The following CGREF1 variants were observed in gnomAD, a reference collection of about 807,000 sequenced individuals.
CGREF1 encodes the protein cell growth regulator with EF hand domain protein 1.
CGREF1 carries 16 observed loss-of-function variants against 17.4 expected under a neutral mutation model. The ratio of observed to expected loss-of-function variants is 0.92; its 90% CI spans 0.62 to 1.40. The LOEUF (loss-of-function observed/expected upper bound fraction) is 1.40. CGREF1 is among the 40% of genes most tolerant of loss of function. The probability of loss-of-function intolerance (pLI) is 0.00; values close to 1 mark genes in which losing one functional copy is unlikely to be tolerated. For missense variants in CGREF1, 296 were observed against 376.4 expected, an observed-to-expected ratio of 0.79 and a Z score of 1.77; for synonymous variants, 142 against 154.6, an observed-to-expected ratio of 0.92 and a Z score of 0.61.
At chr2:27,111,168 T>C (rs1036053101) in intron 1 of CGREF1, among the ~76,000 whole-genome samples, 3 of 152,162 alleles carry the variant, frequency 2.0e-5, no homozygotes, top group African/African-American at 4.8e-5. Context: ...TGCTGATTGG[T>C]CCATTTTACA....
At position 27,101,659 on chromosome 2, in the gene CGREF1, GC is replaced by G; in HGVS notation, c.571del (p.Ala191GlnfsTer5). The G allele has an allele frequency of 6.2e-7, 1 of 1,614,230 alleles. No homozygotes were observed. Among genetic ancestry groups the G allele is most frequent in the Non-Finnish European group, 8.5e-7 (1 of 1,180,042 alleles). On this transcript the variant is annotated frameshift_variant, in exon 6 of 6. Transcript: ENST00000402394. LOFTEE classifies it low-confidence loss of function (END_TRUNC). Reference sequence around the variant, plus strand: ...CCTTCTGGCCTCTACCTGGCCCTTTGCTTCTTCTCTGGGACCAGGGGCTTCC... The same window carrying G: ...CCTTCTGGCCTCTACCTGGCCCTTTGTTCTTCTCTGGGACCAGGGGCTTCC... ...TQEAPGPREE[A>X]KGQVEARRES...
At chr2:27,116,923 C>CTCTCTTTT (rs1259106800) in intron 1 of CGREF1, among the ~76,000 whole-genome samples, 1 of 53,016 alleles carries the variant, frequency 1.9e-5, no homozygotes, top group African/African-American at 9.7e-5. Flanking sequence ...CTCTCTCTCT[C>CTCTCTTTT]TTTTTTTGAG....
chr2:27,106,800 T>A (rs529785320), intron 1 of CGREF1, among the ~76,000 whole-genome samples: 1 of 152,286 alleles, frequency 6.6e-6, no homozygotes, highest in East Asian at 1.9e-4. Context: ...GTATTTTTAC[T>A]AGAGACAGAG....
Position 27,101,011 on chromosome 2 carries a change from G to C in CGREF1, c.*263C>G, listed in dbSNP as rs1215077131. 9 of 1,269,580 alleles carry C rather than the reference G, an allele frequency of 7.1e-6. No individual in the cohort carries two copies. Among genetic ancestry groups the C allele is most frequent in the African/African-American group, 1.5e-5 (1 of 65,418 alleles). 78.6% of individuals were successfully genotyped at this position (1,269,580 alleles called of 1,614,324 possible). On this transcript the variant is annotated 3_prime_UTR_variant, in exon 6 of 6. Transcript: ENST00000402394. ...GGGCAGGCGGCATCCCTGTCCTTTC[G>C]GTCCCCAACCCCGTTCCTCTGAGAG...
At chr2:27,103,183 T>C in intron 2 of CGREF1, 11 of 904,824 alleles carry the variant, frequency 1.2e-5, no homozygotes, top group Non-Finnish European at 1.5e-5. Context: ...AGACCTGTGA[T>C]GCCAGAGAGC....
At chr2:27,109,899 A>G (rs1195465143) in intron 1 of CGREF1, among the ~76,000 whole-genome samples, 1 of 150,462 alleles carries the variant, frequency 6.6e-6, no homozygotes. Context: ...AAAAAAAAAA[A>G]AAAAAAAAAA....
chr2:27,104,604 C>G (rs1671046179), intron 1 of CGREF1: 2 of 1,550,498 alleles, frequency 1.3e-6, no homozygotes, highest in South Asian at 2.4e-5. Flanking sequence ...TAAAGGCAGG[C>G]CTGCTGTGGC....
chr2:27,102,643 AGCCTGCCAACCTTCT>A (rs756828202), intron 2 of CGREF1, 52 bp from the exon 3 acceptor site: 76 of 1,551,066 alleles, frequency 4.9e-5, no homozygotes, highest in Non-Finnish European at 6.5e-5. Context: ...CTCAGGGCCC[AGCCTGCCAACCTTCT>A]GCCTCCAATC....
Position 27,102,003 on chromosome 2 carries a change from CAGAGGACTCACCAAA to C in CGREF1, c.342+79_342+93del, listed in dbSNP as rs1572890030. ...GTGCAAGCTCTGAGCCCTCCTTTTA[CAGAGGACTCACCAAA>C]AGAGTTATGATGAGAAAGACCAAAG... On this transcript the variant is annotated intron_variant, in intron 5 of 5. Coordinates refer to ENST00000402394, the MANE Select transcript of CGREF1 (RefSeq NM_006569.6). 7 of 1,557,830 alleles carry C rather than the reference CAGAGGACTCACCAAA, an allele frequency of 4.5e-6. No homozygotes were observed. In the East Asian group the frequency reaches 1.6e-4, roughly 35 times the overall value.
chr2:27,114,081 G>C (rs547787465), intron 1 of CGREF1, among the ~76,000 whole-genome samples: 1 of 141,144 alleles, frequency 7.1e-6, no homozygotes, highest in Non-Finnish European at 1.5e-5. Context: ...TGCAACCTCC[G>C]TCTCCCAGGT....
intron 1 of CGREF1, among the ~76,000 whole-genome samples, chr2:27,113,560 T>C (rs1671465830): frequency 6.6e-6 from 1 of 152,092 alleles, no homozygotes; most frequent in Non-Finnish European, 1.5e-5. Flanking sequence ...AGAATTGCTA[T>C]GGAATAGGTG....
chr2:27,114,147 A>G (rs1671492527), intron 1 of CGREF1, among the ~76,000 whole-genome samples: 1 of 152,022 alleles, frequency 6.6e-6, no homozygotes, highest in Non-Finnish European at 1.5e-5. Context: ...GGTGCACGCC[A>G]CCACACCCAG....
chr2:27,104,603 G>A (rs553568682), intron 1 of CGREF1: 33 of 1,550,622 alleles, frequency 2.1e-5, no homozygotes, highest in Admixed American at 2.0e-4. Context: ...ATAAAGGCAG[G>A]CCTGCTGTGG....
rs1166142325 is a variant in CGREF1 at position 27,101,814 on chromosome 2, G to A, written c.417C>T (p.Leu139=). ...NGDGLMTPAE[L]INFPGVALRH... ...TGAGGGCTACTCCCGGGAAGTTGAT[G>A]AGCTCAGCAGGGGTCATGAGCCCAT... Residue 139 remains leucine, a synonymous_variant, in exon 6 of 6, where the codon CTC becomes CTT. Coordinates refer to ENST00000402394, the MANE Select transcript of CGREF1 (RefSeq NM_006569.6). The A allele has an allele frequency of 6.2e-7, 1 of 1,614,178 alleles. No individual in the cohort carries two copies. The highest frequency in any genetic ancestry group is 1.1e-5 in the South Asian group (1 of 91,090).
chr2:27,118,538 A>C (rs1671673949), intron 1 of CGREF1, among the ~76,000 whole-genome samples: 1 of 152,126 alleles, frequency 6.6e-6, no homozygotes, highest in Non-Finnish European at 1.5e-5. Flanking sequence ...AGCTCCCGCC[A>C]GCTGCCCCTC....
At chr2:27,104,711 T>A in intron 1 of CGREF1, 1 of 1,546,964 alleles carries the variant, frequency 6.5e-7, no homozygotes, top group Admixed American at 2.0e-5. Context: ...CAAGCATATC[T>A]GACCTCCTTC....
chr2:27,099,619 C>T, downstream of CGREF1: 1 of 1,614,082 alleles, frequency 6.2e-7, no homozygotes, highest in Middle Eastern at 1.7e-4. Context: ...GGGACCTGTC[C>T]CTGCCCCAAA....
intron 1 of CGREF1, chr2:27,110,994 C>G (rs950460852): frequency 1.3e-5 from 2 of 152,364 alleles, no homozygotes; most frequent in African/African-American, 4.8e-5. Context: ...GTGAGTGTTA[C>G]AGCTCATAAA....
rs114512453 is a variant in CGREF1, at chr2:27,105,461, T to A, written c.-11-1084A>T. ...GGAAGATAAACAAAATTCTGCCTTT[T>A]AAAGCTACCTTAAGGGAAAACTAGC... On this transcript the variant is annotated intron_variant, in intron 1 of 5. Transcript: ENST00000402394. 1.9e-3 allele frequency among the ~76,000 whole-genome samples: 291 copies of A among 152,322 alleles called. 2 individuals are homozygous for A. The highest frequency in any genetic ancestry group is 6.8e-3 in the African/African-American group (284 of 41,570).
Sources: allele counts gnomAD v4.1 joint callset (sites outside exome capture counted in the v4.1 genomes callset), GRCh38; gene constraint gnomAD v4.1.1; transcripts MANE v1.5; gene names NCBI Gene and HGNC (gene_info 2026-07-23, HGNC 2026-07-21).